The following DYNC2H1 variants were observed in gnomAD, a reference collection of about 807,000 sequenced individuals.
The protein encoded by DYNC2H1 is dynein cytoplasmic 2 heavy chain 1.
DYNC2H1 carries 410 observed loss-of-function variants against 570.0 expected under a neutral mutation model. The ratio of observed to expected loss-of-function variants is 0.72; its 90% confidence interval spans 0.66 to 0.78. The LOEUF is 0.78. Ranked by LOEUF, DYNC2H1 falls within the 30% of genes least tolerant of loss-of-function variation. The pLI is 0.00. For missense variants in DYNC2H1, 4,865 were observed against 5,046.4 expected (o/e 0.96, Z 1.09); for synonymous variants, 1,688 against 1,677.6 (o/e 1.01, Z -0.15).
At position 103,220,008 on chromosome 11, in the gene DYNC2H1, G is replaced by C. The variant is rs779616756; in HGVS notation, c.8926G>C (p.Asp2976His). 3 of 1,465,850 alleles carry C rather than the reference G, an allele frequency of 2.0e-6. No individual in the cohort carries two copies. The highest frequency in any genetic ancestry group is 1.8e-6 in the Non-Finnish European group (2 of 1,108,756). 90.8% of individuals were successfully genotyped at this position (1,465,850 alleles called of 1,614,324 possible). Residue 2976 changes from aspartate to histidine, a missense_variant, in exon 56 of 89, where the codon GAT becomes CAT. Around this residue, in one of 5 missense-constraint regions of DYNC2H1, gnomAD observed 2,401 missense variants for 2,454.6 expected, o/e 0.98. Coordinates refer to ENST00000375735, the MANE Select transcript of DYNC2H1 (RefSeq NM_001377.3). The part of the protein sequence containing the change: ...KIEERKNKID[D>H]ELKEVQPLVN... ...TGAAGAAAGAAAAAATAAAATTGAT[G>C]ATGAATTAAAAGAAGTACAAGTAAG...
intron 85 of DYNC2H1, among the ~76,000 whole-genome samples, chr11:103,451,552 C>T (rs975266443): frequency 1.3e-5 from 2 of 151,928 alleles, no homozygotes; most frequent in African/African-American, 4.8e-5. Context: ...AGGATGGTCT[C>T]GATCTCTTGA....
In DYNC2H1 at chr11:103,181,977, CTGGAA is replaced by C; in HGVS notation, c.6477+94_6477+98del. ...TTAACTTCCTTGTGGTAGAACTCTG[CTGGAA>C]TGTGGGTGTGAGGTGAGAGGTGGAT... On this transcript the variant is annotated intron_variant, in intron 40 of 88. Transcript: ENST00000375735. The surrounding 1 kb of genome is among the most constrained non-coding windows in gnomAD (Gnocchi z 5.0). 7.1e-7 allele frequency: 1 copy of C among 1,415,476 alleles called. No individual in the cohort carries two copies. Among genetic ancestry groups the C allele is most frequent in the Non-Finnish European group, 9.6e-7 (1 of 1,043,944 alleles). 87.7% of individuals were successfully genotyped at this position (1,415,476 alleles called of 1,614,324 possible).
intron 50 of DYNC2H1, among the ~76,000 whole-genome samples, chr11:103,202,503 G>T (rs1471769793): frequency 6.6e-6 from 1 of 151,788 alleles, no homozygotes; most frequent in Admixed American, 6.6e-5. Context: ...ATAATATATA[G>T]ATAGAGCTGA....
chr11:103,293,500 A>G lies in DYNC2H1; in HGVS notation c.11095+5895A>G, dbSNP rs577423675. Among the ~76,000 whole-genome samples the G allele has an allele frequency of 1.6e-4, 25 of 152,266 alleles. No homozygotes were observed. In the East Asian group the frequency reaches 4.6e-3, roughly 28 times the overall value. ...TTCTCTGTTATTATTTCTTTGAACAAACTTTATATCCTGATCTCTTTCTTT... is the reference window on the plus strand; with the variant it reads ...TTCTCTGTTATTATTTCTTTGAACAGACTTTATATCCTGATCTCTTTCTTT... On this transcript the variant is annotated intron_variant, in intron 75 of 88. Transcript: ENST00000375735.
chr11:103,400,658 C>CT (rs57699673), intron 84 of DYNC2H1, among the ~76,000 whole-genome samples: 49,279 of 146,906 alleles, frequency 0.34, 8,194 homozygotes, highest in African/African-American at 0.42. Context: ...ATTAAGTTTT[C>CT]TTTTTTTTTT....
chr11:103,187,363 C>T lies in DYNC2H1; in HGVS notation c.6917C>T (p.Ser2306Leu). Residue 2306 changes from serine to leucine, a missense_variant, in exon 43 of 89, where the codon TCA becomes TTA. Transcript: ENST00000375735. Reference protein sequence around the residue: ...GKGMLLRYAFSQLRSTQIATV... With the variant: ...GKGMLLRYAFLQLRSTQIATV... ...AGGATGCTGCTCAGGTACGCATTTT[C>T]ACAACTCCGGTCCACTCAAATTGCT... 6.2e-7 allele frequency: 1 copy of T among 1,612,994 alleles called. No homozygotes were observed. The highest frequency in any genetic ancestry group is 8.5e-7 in the Non-Finnish European group (1 of 1,179,294).
intron 70 of DYNC2H1, among the ~76,000 whole-genome samples, chr11:103,263,144 C>T (rs1386161780): frequency 2.0e-5 from 3 of 150,616 alleles, no homozygotes; most frequent in South Asian, 2.1e-4. Context: ...ATCAATGCAA[C>T]GAGAAGAGCT....
At chr11:103,392,187 GC>G (rs1942185763) in intron 83 of DYNC2H1, among the ~76,000 whole-genome samples, 2 of 152,336 alleles carry the variant, frequency 1.3e-5, no homozygotes, top group East Asian at 3.9e-4. Context: ...ACCTACTCAA[GC>G]CTGGGCAATG....
At chr11:103,416,668 T>C (rs1407867820) in intron 84 of DYNC2H1, among the ~76,000 whole-genome samples, 2 of 152,072 alleles carry the variant, frequency 1.3e-5, no homozygotes, top group Non-Finnish European at 2.9e-5. Flanking sequence ...TCAATATGGG[T>C]TAAAAACTTC....
At chr11:103,272,159 A>T (rs151328633) in intron 70 of DYNC2H1, among the ~76,000 whole-genome samples, 4,691 of 152,346 alleles carry the variant, frequency 0.031, 112 homozygotes, top group Non-Finnish European at 0.053. Flanking sequence ...AATAGCAAAG[A>T]CTTGGAACCA....
At chr11:103,267,307 G>A (rs1480384809) in intron 70 of DYNC2H1, among the ~76,000 whole-genome samples, 2 of 150,304 alleles carry the variant, frequency 1.3e-5, no homozygotes, top group Non-Finnish European at 1.5e-5. Flanking sequence ...ATCTGTTAGG[G>A]CCCGCCAGTC....
intron 84 of DYNC2H1, among the ~76,000 whole-genome samples, chr11:103,428,576 C>T (rs11225792): frequency 0.3 from 45,244 of 151,944 alleles, 6,795 homozygotes; most frequent in South Asian, 0.35. Context: ...TGCTGTACAG[C>T]TAATTTCCAG....
chr11:103,455,142 A>G (rs1263892705), intron 85 of DYNC2H1, 44 bp from the exon 86 acceptor site: 2 of 1,435,514 alleles, frequency 1.4e-6, no homozygotes, highest in Middle Eastern at 1.8e-4. Flanking sequence ...TAATTGACTT[A>G]TAAGTGTGTG....
intron 83 of DYNC2H1, among the ~76,000 whole-genome samples, chr11:103,381,557 C>A (rs927050226): frequency 6.6e-6 from 1 of 152,194 alleles, no homozygotes; most frequent in Non-Finnish European, 1.5e-5. Flanking sequence ...TCAAGCAATT[C>A]TCTGCCTCAA....
In DYNC2H1 at chr11:103,203,842, G is replaced by A. The variant is rs1862817226; in HGVS notation, c.8311+66G>A. ...GTATGAAATATATATCATTTAATTT[G>A]CCTTATTTTGTCATTAGATTGCAAA... On this transcript the variant is annotated intron_variant, in intron 51 of 88. Transcript: ENST00000375735. The surrounding 1 kb of genome is among the most constrained non-coding windows in gnomAD (Gnocchi z 4.7). 2 of 1,138,300 alleles carry A rather than the reference G, an allele frequency of 1.8e-6. No homozygotes were observed. Among genetic ancestry groups the A allele is most frequent in the Non-Finnish European group, 2.5e-6 (2 of 811,504 alleles). The allele number at this position is 1,138,300 out of a possible 1,614,324, so 70.5% of individuals were successfully genotyped here.
intron 88 of DYNC2H1, among the ~76,000 whole-genome samples, chr11:103,471,632 T>C (rs1424250539): frequency 6.6e-6 from 1 of 152,234 alleles, no homozygotes; most frequent in African/African-American, 2.4e-5. Flanking sequence ...TATAATGCTA[T>C]AATGTTTTAT....
chr11:103,283,588 T>G (rs1001519396), intron 73 of DYNC2H1, among the ~76,000 whole-genome samples: 1 of 152,182 alleles, frequency 6.6e-6, no homozygotes, highest in Non-Finnish European at 1.5e-5. Context: ...CTTACTATGT[T>G]CAAGGCATTA....
chr11:103,433,982 G>C (rs1943980082), intron 84 of DYNC2H1, among the ~76,000 whole-genome samples: 2 of 152,096 alleles, frequency 1.3e-5, no homozygotes, highest in African/African-American at 4.8e-5. Context: ...GGAAGTTCAT[G>C]TTTCCCGTTC....
chr11:103,415,128 A>G (rs1156640531), intron 84 of DYNC2H1, among the ~76,000 whole-genome samples: 2 of 152,196 alleles, frequency 1.3e-5, no homozygotes, highest in Non-Finnish European at 2.9e-5. Context: ...GAAAGCTGAA[A>G]CTGGATCCCT....
Sources: gnomAD v4.1 joint callset for allele counts (sites outside exome capture counted in the v4.1 genomes callset) on GRCh38, gnomAD v4.1.1 for gene constraint, gnomAD v4.1.1 regional missense constraint, Gnocchi (gnomAD v3.1) non-coding constraint, MANE v1.5 for transcripts, NCBI Gene and HGNC (gene_info 2026-07-23, HGNC 2026-07-21) for gene names.